Variants in FGF13 observed in about 807,000 individuals in gnomAD.
FGF13 encodes the protein fibroblast growth factor 13.
FGF13 carries 2 observed loss-of-function variants against 19.5 expected under a neutral mutation model. That is an observed-to-expected ratio of 0.10 (90% CI 0.04 to 0.32). The LOEUF (loss-of-function observed/expected upper bound fraction) is 0.32. FGF13 is among the 10% of genes least tolerant of loss of function. The pLI, the probability that FGF13 is intolerant of heterozygous loss-of-function variation, is 1.00. For missense variants in FGF13, 113 were observed against 192.7 expected (o/e 0.59, Z 2.45); for synonymous variants, 72 against 76.9 (o/e 0.94, Z 0.33).
At chrX:138,782,143 T>C (rs1034413137) in intron 3 of FGF13, among the ~76,000 whole-genome samples, 5 of 112,110 alleles carry the variant, frequency 4.5e-5, no homozygotes, top group Non-Finnish European at 9.4e-5. Context: ...AAATTAGGTA[T>C]TGATGGGACA....
At chrX:139,099,315 C>G (rs1027459856) in intron 1 of FGF13, among the ~76,000 whole-genome samples, 1 of 103,494 alleles carries the variant, frequency 9.7e-6, no homozygotes, top group African/African-American at 3.6e-5. Context: ...GAGTTGCTAT[C>G]CACAACTGGT....
Position 138,632,188 on chromosome X carries a change from A to T in FGF13, c.*662T>A, listed in dbSNP as rs998825925. The stretch of plus-strand genomic sequence containing the variant: ...ATACCACAAATCTAAAAAAAAAAAA[A>T]AAGAAAGAAAAACAATTGGTCAAAC... On this transcript the variant is annotated 3_prime_UTR_variant, in exon 5 of 5. Coordinates refer to ENST00000315930, the MANE Select transcript of FGF13 (RefSeq NM_004114.5). The T allele has an allele frequency of 9.9e-5, 11 of 111,258 alleles. No individual in the cohort carries two copies. The highest frequency in any genetic ancestry group is 3.6e-4 in the African/African-American group (11 of 30,598). 9.2% of individuals were successfully genotyped at this position (111,258 alleles called of 1,213,427 possible). A position where few individuals can be genotyped will look rare whatever the true frequency, so the allele number is the denominator to read the frequency against.
chrX:138,966,832 G>A (rs2091896942), intron 1 of FGF13, among the ~76,000 whole-genome samples: 1 of 111,328 alleles, frequency 9.0e-6, no homozygotes, highest in African/African-American at 3.3e-5. Flanking sequence ...TTCTGTCAAG[G>A]GAGGGACAAA....
chrX:138,626,867 G>A lies in FGF13; in HGVS notation c.*5983C>T, dbSNP rs753256430. The A allele has an allele frequency of 1.8e-5, 2 of 112,015 alleles. No homozygotes were observed. The highest frequency in any genetic ancestry group is 3.7e-4 in the South Asian group (1 of 2,688). The allele number at this position is 112,015 out of a possible 1,213,427, so 9.2% of individuals were successfully genotyped here. A position where few individuals can be genotyped will look rare whatever the true frequency, so the allele number is the denominator to read the frequency against. On this transcript the variant is annotated 3_prime_UTR_variant, in exon 5 of 5. Transcript: ENST00000315930. ...ATGAAAGTCAAATATTGTTCAAGCT[G>A]TTTTATTCAGCTGTTTTACATTAAG...
At chrX:139,126,630 C>G (rs751272829) in intron 1 of FGF13, among the ~76,000 whole-genome samples, 9 of 111,572 alleles carry the variant, frequency 8.1e-5, no homozygotes, top group African/African-American at 2.9e-4. Flanking sequence ...CAATAATCCC[C>G]TTGGCACTTA....
chrX:138,735,619 A>G (rs140551567), intron 1 of FGF13, among the ~76,000 whole-genome samples: 1,680 of 111,961 alleles, frequency 0.015, 37 homozygotes, highest in African/African-American at 0.051. Flanking sequence ...ATATCAGATA[A>G]AGCTGCTAAA....
intron 1 of FGF13, among the ~76,000 whole-genome samples, chrX:139,152,048 G>A (rs1869773785): frequency 9.0e-6 from 1 of 111,367 alleles, no homozygotes; most frequent in African/African-American, 3.3e-5. Context: ...ATTAAGATAA[G>A]CTAATCTCCA....
chrX:139,148,345 T>C (rs1373465947), intron 1 of FGF13, among the ~76,000 whole-genome samples: 1 of 111,497 alleles, frequency 9.0e-6, no homozygotes, highest in African/African-American at 3.3e-5. Context: ...CTTCATACAC[T>C]ACCCAGGAAT....
intron 1 of FGF13, among the ~76,000 whole-genome samples, chrX:138,890,826 T>C (rs1028065472): frequency 8.9e-6 from 1 of 111,785 alleles, no homozygotes; most frequent in Non-Finnish European, 1.9e-5. Flanking sequence ...ATAAAACAAG[T>C]TCCTAGGTCC....
chrX:138,697,112 T>G (rs1161909648), intron 3 of FGF13, among the ~76,000 whole-genome samples: 1 of 112,018 alleles, frequency 8.9e-6, no homozygotes, highest in East Asian at 2.8e-4. Context: ...CTTAGGCATG[T>G]AACATTCTTA....
chrX:139,048,481 A>T (rs2092294655), intron 1 of FGF13, among the ~76,000 whole-genome samples: 1 of 111,111 alleles, frequency 9.0e-6, no homozygotes, highest in Non-Finnish European at 1.9e-5. Flanking sequence ...CTTAAGTTTT[A>T]AAAAATATTA....
At chrX:138,829,704 A>G (rs1399511178) in intron 3 of FGF13, among the ~76,000 whole-genome samples, 2 of 111,116 alleles carry the variant, frequency 1.8e-5, no homozygotes, top group African/African-American at 6.6e-5. Flanking sequence ...CAGAACCCTG[A>G]GCCAAATAAG....
intron 1 of FGF13, among the ~76,000 whole-genome samples, chrX:139,150,614 T>A (rs1354934759): frequency 1.8e-5 from 2 of 111,880 alleles, no homozygotes; most frequent in Non-Finnish European, 3.8e-5. Flanking sequence ...CCACCTGCAG[T>A]GCCTTCTCTC....
intron 3 of FGF13, among the ~76,000 whole-genome samples, chrX:138,850,352 G>C (rs1312434722): frequency 1.8e-5 from 2 of 111,381 alleles, no homozygotes; most frequent in Non-Finnish European, 3.8e-5. Flanking sequence ...CATAAGGTAG[G>C]GGAAATAAGG....
chrX:138,830,011 G>A (rs891194802), intron 3 of FGF13, among the ~76,000 whole-genome samples: 2 of 112,505 alleles, frequency 1.8e-5, no homozygotes, highest in African/African-American at 3.2e-5. Flanking sequence ...GAGCCATCGC[G>A]CCTGGCTTAA....
intron 1 of FGF13, among the ~76,000 whole-genome samples, chrX:139,057,839 A>C (rs1168628595): frequency 1.8e-5 from 2 of 112,338 alleles, no homozygotes; most frequent in African/African-American, 6.5e-5. Context: ...AGGGAAATCA[A>C]ATTAATGATA....
At chrX:138,944,654 T>C (rs1045150394) in intron 1 of FGF13, among the ~76,000 whole-genome samples, 1 of 111,308 alleles carries the variant, frequency 9.0e-6, no homozygotes, top group Non-Finnish European at 1.9e-5. Flanking sequence ...GACTAGATCA[T>C]TTCTAAGGGC....
downstream of FGF13, among the ~76,000 whole-genome samples, chrX:138,855,108 G>A (rs184115513): frequency 6.2e-4 from 69 of 111,505 alleles, no homozygotes; most frequent in South Asian, 3.0e-3. Flanking sequence ...TTAAAAAACA[G>A]TCCTGCAAAA....
chrX:139,170,524 G>A (rs1201589054), intron 1 of FGF13, among the ~76,000 whole-genome samples: 1 of 111,457 alleles, frequency 9.0e-6, no homozygotes, highest in African/African-American at 3.3e-5. Context: ...AGACCACTGG[G>A]ACTTTGCAGG....
Sources: allele counts gnomAD v4.1 joint callset (sites outside exome capture counted in the v4.1 genomes callset), GRCh38; gene constraint gnomAD v4.1.1; transcripts MANE v1.5; gene names NCBI Gene and HGNC (gene_info 2026-07-23, HGNC 2026-07-21).